PDXK: variants seen among roughly 807,000 people sequenced by gnomAD.
PDXK encodes the protein pyridoxal kinase, also known as epididymis secretory sperm binding protein Li 1a.
In PDXK, 15 loss-of-function variants were observed where a neutral mutation model predicts 43.2. The ratio of observed to expected loss-of-function variants is 0.35; its 90% CI spans 0.23 to 0.53. The LOEUF is 0.53. Ranked by LOEUF, PDXK falls within the 20% of genes least tolerant of loss-of-function variation. PDXK has a pLI of 0.92. For synonymous variants in PDXK, 172 were observed against 165.4 expected (o/e 1.04, Z -0.31); for missense variants, 343 against 417.0 (o/e 0.82, Z 1.54).
At chr21:43,733,999 C>A in intron 1 of PDXK, 70 bp from the exon 2 acceptor site, 1 of 1,489,004 alleles carries the variant, frequency 6.7e-7, no homozygotes, top group Non-Finnish European at 9.4e-7. Context: ...TCTGAGTCAG[C>A]ACCTGCTGGG....
At chr21:43,736,905 A>G in intron 2 of PDXK, 1 of 699,520 alleles carries the variant, frequency 1.4e-6, no homozygotes, top group Non-Finnish European at 2.6e-6. Flanking sequence ...AAGTGCTGGG[A>G]TTACAGGTGT....
chr21:43,753,067 A>G (rs896995799), intron 8 of PDXK, among the ~76,000 whole-genome samples: 6 of 152,122 alleles, frequency 3.9e-5, no homozygotes, highest in East Asian at 1.9e-4. Context: ...TTGCCGCTCT[A>G]TGTTTGGACA....
At chr21:43,755,589 C>G (rs969410102) in intron 9 of PDXK, 109 bp from the exon 10 acceptor site, 2 of 943,546 alleles carry the variant, frequency 2.1e-6, no homozygotes, top group Admixed American at 1.7e-5. Flanking sequence ...CCCGGTGGCT[C>G]GGAGAGCAGG....
intron 1 of PDXK, among the ~76,000 whole-genome samples, chr21:43,730,608 T>C (rs939099054): frequency 6.6e-6 from 1 of 152,222 alleles, no homozygotes; most frequent in Non-Finnish European, 1.5e-5. Flanking sequence ...TGTAAAATGC[T>C]AGTAAACTAG....
chr21:43,742,176 G>A (rs1028562134), intron 3 of PDXK, among the ~76,000 whole-genome samples: 2 of 152,166 alleles, frequency 1.3e-5, no homozygotes, highest in African/African-American at 4.8e-5. Flanking sequence ...TTGTATACAT[G>A]TTTATTATTA....
rs979549140 is a variant in PDXK at position 43,734,266 on chromosome 21, C to T, written c.142+143C>T. 1.2e-5 allele frequency: 9 copies of T among 765,204 alleles called. No individual in the cohort carries two copies. The highest frequency in any genetic ancestry group is 3.0e-5 in the South Asian group (2 of 66,888). 47.4% of individuals were successfully genotyped at this position (765,204 alleles called of 1,614,324 possible). A position where few individuals can be genotyped will look rare whatever the true frequency, so the allele number is the denominator to read the frequency against. ...GACGGGGACCTGGAGTCCTGGGCGT[C>T]GCTCGGGCAGAGCCTGCACAGCATA... is the stretch of plus-strand genomic sequence containing the variant. On this transcript the variant is annotated intron_variant, in intron 2 of 10. Transcript: ENST00000291565. The surrounding 1 kb of genome is among the most constrained non-coding windows in gnomAD (Gnocchi z 5.0).
At chr21:43,728,010 A>G (rs1005551163) in intron 1 of PDXK, among the ~76,000 whole-genome samples, 2 of 152,176 alleles carry the variant, frequency 1.3e-5, no homozygotes, top group Non-Finnish European at 2.9e-5. Flanking sequence ...GCCCCTGCCC[A>G]GCTGGTGCAC....
chr21:43,752,467 C>T (rs772518321), intron 7 of PDXK, 51 bp from the exon 8 acceptor site: 7 of 1,259,198 alleles, frequency 5.6e-6, no homozygotes, highest in Admixed American at 5.1e-5. Flanking sequence ...TGTGACCAGC[C>T]GTGGCTGACA....
chr21:43,755,720 C>A lies in PDXK; in HGVS notation c.782C>A (p.Ser261Tyr), dbSNP rs1322902977. 6.2e-7 allele frequency: 1 copy of A among 1,613,950 alleles called. No individual in the cohort carries two copies. The highest frequency in any genetic ancestry group is 8.5e-7 in the Non-Finnish European group (1 of 1,179,938). ...CAGGTGGCCTGTGAGAAGACCGTGTCTACCTTGCACCACGTTCTGCAGAGG... is the reference window on the plus strand; with the variant it reads ...CAGGTGGCCTGTGAGAAGACCGTGTATACCTTGCACCACGTTCTGCAGAGG... Reference protein sequence around the residue: ...NLKVACEKTVSTLHHVLQRTI... With the variant: ...NLKVACEKTVYTLHHVLQRTI... Residue 261 changes from serine (S) to tyrosine (Y), a missense_variant, in exon 10 of 11, where the codon TCT becomes TAT. Physicochemically the swap from Ser to Tyr is moderately radical, Grantham distance 144 (BLOSUM62 -2). Transcript: ENST00000291565.
rs111253250 is a variant in PDXK, at chr21:43,723,834, G to T, written c.87+4453G>T. 0.051 allele frequency: 7,770 copies of T among 152,390 alleles called. 299 individuals are homozygous for T. The highest frequency in any genetic ancestry group is 0.079 in the Non-Finnish European group (5,371 of 68,058). The allele number at this position is 152,390 out of a possible 1,614,324, so 9.4% of individuals were successfully genotyped here. ...TCTGTCAGCCTCTGGAGCCGCCGAGGCTGGGTGCCAGGCACTGCCGCCTGG... is the reference window on the plus strand; with the variant it reads ...TCTGTCAGCCTCTGGAGCCGCCGAGTCTGGGTGCCAGGCACTGCCGCCTGG... On this transcript the variant is annotated intron_variant, in intron 1 of 10. Coordinates refer to ENST00000291565, the MANE Select transcript of PDXK (RefSeq NM_003681.5). The surrounding 1 kb of genome is among the most constrained non-coding windows in gnomAD (Gnocchi z 4.1).
chr21:43,743,957 C>A, intron 4 of PDXK, 150 bp downstream of exon 4: 1 of 655,634 alleles, frequency 1.5e-6, no homozygotes, highest in Non-Finnish European at 2.7e-6. Context: ...GTCTGCTGGG[C>A]CTCTGAAGAT....
chr21:43,737,881 C>T lies in PDXK; in HGVS notation c.142+3758C>T. ...GAGTTGGACACAAGATCCAAGCGCC[C>T]TCCCCTGTTGGAGAAGGTTCTTGTG... On this transcript the variant is annotated intron_variant, in intron 2 of 10. Coordinates refer to ENST00000291565, the MANE Select transcript of PDXK (RefSeq NM_003681.5). The surrounding 1 kb of genome is among the most constrained non-coding windows in gnomAD (Gnocchi z 4.8). 2 of 985,480 alleles carry T rather than the reference C, an allele frequency of 2.0e-6. No individual in the cohort carries two copies. Among genetic ancestry groups the T allele is most frequent in the Non-Finnish European group, 2.4e-6 (2 of 829,936 alleles). 61.0% of individuals were successfully genotyped at this position (985,480 alleles called of 1,614,324 possible).
At chr21:43,750,080 C>A (rs976424729) in intron 6 of PDXK, among the ~76,000 whole-genome samples, 2 of 152,216 alleles carry the variant, frequency 1.3e-5, no homozygotes, top group Non-Finnish European at 2.9e-5. Flanking sequence ...GATCCCTGAC[C>A]TGGGCCTGTC....
chr21:43,741,739 A>G lies in PDXK; in HGVS notation c.215A>G (p.Asn72Ser). 6.2e-7 allele frequency: 1 copy of G among 1,612,428 alleles called. No individual in the cohort carries two copies. ...GAGTTGTACGAAGGCCTGAGGCTGA[A>G]CAACATGAATAAATATGACTACGTG... Reference protein sequence around the residue: ...LQELYEGLRLNNMNKYDYVLT... With the variant: ...LQELYEGLRLSNMNKYDYVLT... Residue 72 changes from asparagine (N) to serine (S), a missense_variant, in exon 3 of 11, where the codon AAC becomes AGC. Asn to Ser is a conservative substitution (Grantham distance 46). Transcript: ENST00000291565.
chr21:43,740,108 C>T (rs142346478), intron 2 of PDXK, among the ~76,000 whole-genome samples: 1 of 152,174 alleles, frequency 6.6e-6, no homozygotes, highest in Non-Finnish European at 1.5e-5. Context: ...GGGCAGAGTA[C>T]AGGGCAGGCG....
chr21:43,746,649 C>A (rs1310355516), intron 5 of PDXK, among the ~76,000 whole-genome samples: 1 of 152,100 alleles, frequency 6.6e-6, no homozygotes, highest in Non-Finnish European at 1.5e-5. Flanking sequence ...GAACTCCTAG[C>A]CTCAAGTGAT....
chr21:43,750,962 A>ATGTGTGTG (rs3042278), intron 7 of PDXK, among the ~76,000 whole-genome samples: 133 of 150,736 alleles, frequency 8.8e-4, no homozygotes, highest in South Asian at 1.3e-3. Flanking sequence ...ATGTGTGTGC[A>ATGTGTGTG]TGTGTGTGTG....
In PDXK at chr21:43,734,034, C is replaced by G. The variant is rs962920784; in HGVS notation, c.88-35C>G. 1.2e-6 allele frequency: 2 copies of G among 1,610,130 alleles called. No individual in the cohort carries two copies. Among genetic ancestry groups the G allele is most frequent in the Admixed American group, 1.7e-5 (1 of 59,996 alleles). On this transcript the variant is annotated intron_variant, in intron 1 of 10. Transcript: ENST00000291565. This position sits in a 1 kb window ranked among gnomAD's most constrained non-coding sequence, Gnocchi z 5.0. ...GGTTCGTGGGACCCCAGACCTGGCTCTCTTACGCCTACCTGTTCCTTCTCT... is the reference window on the plus strand; with the variant it reads ...GGTTCGTGGGACCCCAGACCTGGCTGTCTTACGCCTACCTGTTCCTTCTCT...
chr21:43,733,957 C>T (rs2083362941), intron 1 of PDXK, 112 bp from the exon 2 acceptor site: 1 of 1,074,284 alleles, frequency 9.3e-7, no homozygotes, highest in Admixed American at 1.8e-5. Context: ...GCTGGGGGCC[C>T]CGTGCCAGCC....
Sources: allele counts gnomAD v4.1 joint callset (sites outside exome capture counted in the v4.1 genomes callset), GRCh38; gene constraint gnomAD v4.1.1; non-coding constraint Gnocchi (gnomAD v3.1); transcripts MANE v1.5; gene names NCBI Gene and HGNC (gene_info 2026-07-23, HGNC 2026-07-21).